The following ARHGAP24 variants were observed in gnomAD, a reference collection of about 807,000 sequenced individuals.
ARHGAP24 encodes Rho GTPase activating protein 24, also known as rho GTPase-activating protein 24.
ARHGAP24 carries 50 observed loss-of-function variants against 76.4 expected under a neutral mutation model. The ratio of observed to expected loss-of-function variants is 0.65; its 90% CI spans 0.52 to 0.83. The LOEUF (loss-of-function observed/expected upper bound fraction) is 0.83, where lower values mean the gene tolerates loss of function less well. ARHGAP24 is among the 40% of genes least tolerant of loss of function. The pLI, the probability that ARHGAP24 is intolerant of heterozygous loss-of-function variation, is 0.00. For missense variants in ARHGAP24, 930 were observed against 914.2 expected (o/e 1.02, Z -0.22); for synonymous variants, 345 against 323.3 (o/e 1.07, Z -0.72).
At position 86,000,459 on chromosome 4, in the gene ARHGAP24, C is replaced by CCCT. The variant is rs1553952827; in HGVS notation, c.2004-18_2004-17insTCC. ...TACTCTTGCGTCCCCACCCCCCACC[C>CCCT]CCCCCAACATCCTTTGTAGCTTAGA... On this transcript the variant is annotated intron_variant, in intron 9 of 9. Coordinates refer to ENST00000395184, the MANE Select transcript of ARHGAP24 (RefSeq NM_001025616.3). The CCCT allele has an allele frequency of 1.4e-6, 1 of 725,380 alleles. No homozygotes were observed. The highest frequency in any genetic ancestry group is 2.0e-5 in the African/African-American group (1 of 49,164). 44.9% of individuals were successfully genotyped at this position (725,380 alleles called of 1,614,324 possible).
intron 1 of ARHGAP24, among the ~76,000 whole-genome samples, chr4:85,555,059 G>T (rs900689639): frequency 6.6e-6 from 1 of 152,136 alleles, no homozygotes; most frequent in African/African-American, 2.4e-5. Context: ...CTTGGATTGG[G>T]TTTTGACTTT....
chr4:85,535,768 C>A (rs558641078), intron 1 of ARHGAP24, among the ~76,000 whole-genome samples: 1 of 152,260 alleles, frequency 6.6e-6, no homozygotes, highest in South Asian at 2.1e-4. Flanking sequence ...ATGTCTCCCC[C>A]CTATCTAGTT....
At chr4:85,930,975 A>G in intron 4 of ARHGAP24, 1 of 1,614,118 alleles carries the variant, frequency 6.2e-7, no homozygotes, top group Non-Finnish European at 8.5e-7. Context: ...CTGGTGCCTT[A>G]GCCTCAACTC....
intron 4 of ARHGAP24, among the ~76,000 whole-genome samples, chr4:85,928,882 A>G (rs1174914979): frequency 1.3e-5 from 2 of 152,230 alleles, no homozygotes; most frequent in African/African-American, 4.8e-5. Flanking sequence ...CAAGGCAGTA[A>G]GAATACTATT....
At chr4:85,683,126 G>C (rs1262289958) in intron 2 of ARHGAP24, among the ~76,000 whole-genome samples, 1 of 87,534 alleles carries the variant, frequency 1.1e-5, no homozygotes, top group Non-Finnish European at 2.1e-5. Context: ...GTGGGGGGGG[G>C]GTGCGGGGGC....
At chr4:85,971,170 TC>T (rs1242506509) in intron 5 of ARHGAP24, among the ~76,000 whole-genome samples, 2 of 152,196 alleles carry the variant, frequency 1.3e-5, no homozygotes, top group Non-Finnish European at 1.5e-5. Context: ...CAAAATGAGC[TC>T]TGTTAAAAAT....
intron 1 of ARHGAP24, among the ~76,000 whole-genome samples, chr4:85,505,818 T>G (rs1187795116): frequency 2.0e-5 from 3 of 152,152 alleles, no homozygotes; most frequent in Non-Finnish European, 4.4e-5. Context: ...GTTTTTAGAA[T>G]TTTCAACTTT....
intron 5 of ARHGAP24, among the ~76,000 whole-genome samples, chr4:85,948,459 T>G (rs1039879676): frequency 1.3e-5 from 2 of 152,146 alleles, no homozygotes; most frequent in African/African-American, 4.8e-5. Context: ...CATTTATAAT[T>G]TGGTTCTTAT....
At chr4:85,834,668 G>A (rs1158932770) in intron 3 of ARHGAP24, among the ~76,000 whole-genome samples, 1 of 152,162 alleles carries the variant, frequency 6.6e-6, no homozygotes. Context: ...GAAGTCAAAG[G>A]GTGAACAGAG....
intron 3 of ARHGAP24, among the ~76,000 whole-genome samples, chr4:85,898,052 T>G (rs1211326482): frequency 8.4e-6 from 1 of 119,468 alleles, no homozygotes; most frequent in Non-Finnish European, 1.9e-5. Context: ...TATATATATA[T>G]ATATATAATT....
At chr4:85,917,186 G>A (rs1735459982) in intron 3 of ARHGAP24, among the ~76,000 whole-genome samples, 1 of 152,060 alleles carries the variant, frequency 6.6e-6, no homozygotes, top group East Asian at 1.9e-4. Flanking sequence ...CCTTGCAATA[G>A]ATTACTGAGA....
chr4:85,943,352 C>T (rs1448342080), intron 5 of ARHGAP24, among the ~76,000 whole-genome samples: 2 of 152,134 alleles, frequency 1.3e-5, no homozygotes, highest in East Asian at 3.9e-4. Flanking sequence ...ACAGTCAAGG[C>T]ACTGGCAAAT....
intron 2 of ARHGAP24, among the ~76,000 whole-genome samples, chr4:85,621,776 A>G (rs1720726072): frequency 1.3e-5 from 2 of 152,092 alleles, no homozygotes; most frequent in South Asian, 2.1e-4. Flanking sequence ...TAATTAGGTT[A>G]TAATTGTCAA....
At chr4:85,591,602 T>C (rs766111303) in intron 2 of ARHGAP24, among the ~76,000 whole-genome samples, 1 of 152,204 alleles carries the variant, frequency 6.6e-6, no homozygotes, top group Non-Finnish European at 1.5e-5. Flanking sequence ...CACAAGCCAT[T>C]AGTCACAAGT....
chr4:85,682,873 T>C (rs1466083877), intron 2 of ARHGAP24, among the ~76,000 whole-genome samples: 1 of 152,128 alleles, frequency 6.6e-6, no homozygotes, highest in Non-Finnish European at 1.5e-5. Flanking sequence ...AGGTAGCCAA[T>C]ATACCTCATG....
chr4:85,898,089 G>A (rs114787428), intron 3 of ARHGAP24, among the ~76,000 whole-genome samples: 2,236 of 148,836 alleles, frequency 0.015, 53 homozygotes, highest in African/African-American at 0.052. Flanking sequence ...GGATGTTTTT[G>A]TGGGGAGGGG....
At chr4:85,573,083 G>A (rs1479127340) in intron 2 of ARHGAP24, among the ~76,000 whole-genome samples, 2 of 151,896 alleles carry the variant, frequency 1.3e-5, no homozygotes, top group South Asian at 2.1e-4. Flanking sequence ...CACCGTGTTG[G>A]CCATGCTGGT....
intron 2 of ARHGAP24, among the ~76,000 whole-genome samples, chr4:85,577,629 G>C (rs1330338919): frequency 2.6e-5 from 4 of 152,184 alleles, no homozygotes; most frequent in Non-Finnish European, 5.9e-5. Context: ...CCAAGCATTT[G>C]TGAAGAAGGA....
At chr4:85,874,922 A>ATATAATTTATATAAAATATATTT (rs1560688324) in intron 3 of ARHGAP24, among the ~76,000 whole-genome samples, 11 of 29,152 alleles carry the variant, frequency 3.8e-4, no homozygotes, top group Admixed American at 6.5e-4. Context: ...AAATATATTT[A>ATATAATTTATATAAAATATATTT]TATATAATTT....
Sources: allele counts gnomAD v4.1 joint callset (sites outside exome capture counted in the v4.1 genomes callset), GRCh38; gene constraint gnomAD v4.1.1; transcripts MANE v1.5; gene names NCBI Gene and HGNC (gene_info 2026-07-23, HGNC 2026-07-21).